Variants in MINK1 observed in about 807,000 individuals in gnomAD.
The protein encoded by MINK1 is misshapen-like kinase 1.
In MINK1, 46 loss-of-function variants were observed where a neutral mutation model predicts 178.4. The observed-to-expected ratio is 0.26, with a 90% CI of 0.20 to 0.33. The LOEUF is 0.33. Ranked by LOEUF, MINK1 falls within the 10% of genes least tolerant of loss-of-function variation. The pLI is 1.00. For missense variants in MINK1, 1,366 were observed against 1,814.9 expected, an observed-to-expected ratio of 0.75 and a Z score of 4.49; for synonymous variants, 797 against 709.7, an observed-to-expected ratio of 1.12 and a Z score of -1.96.
In MINK1 at chr17:4,894,369, G is replaced by A; in HGVS notation, c.2808+58G>A. 6.3e-7 allele frequency: 1 copy of A among 1,579,560 alleles called. No homozygotes were observed. The highest frequency in any genetic ancestry group is 1.2e-5 in the South Asian group (1 of 86,374). ...GAAGAGCCCTGGCGATGGGCAGGAG[G>A]TCCCGGTGCTGGGTAACGGCAGAGG... is the stretch of plus-strand genomic sequence containing the variant. On this transcript the variant is annotated intron_variant, in intron 23 of 31. Transcript: ENST00000355280. This position sits in a 1 kb window ranked among gnomAD's most constrained non-coding sequence, Gnocchi z 4.1.
chr17:4,894,516 CT>C lies in MINK1; in HGVS notation c.2809-8del, dbSNP rs1969225603. The stretch of plus-strand genomic sequence containing the variant: ...ACTTGTTTGCCTGACTGCTGTCCCC[CT>C]ACCACAGTACCAGTCTCGTGGGCTG... On this transcript the variant is annotated splice_polypyrimidine_tract_variant and splice_region_variant and intron_variant, in intron 23 of 31. Coordinates refer to ENST00000355280, the MANE Select transcript of MINK1 (RefSeq NM_153827.5). The surrounding 1 kb of genome is among the most constrained non-coding windows in gnomAD (Gnocchi z 4.1). 6.3e-7 allele frequency: 1 copy of C among 1,586,832 alleles called. No individual in the cohort carries two copies.
chr17:4,886,205 C>G lies in MINK1; in HGVS notation c.773+7C>G. 1.2e-6 allele frequency: 2 copies of G among 1,613,646 alleles called. No individual in the cohort carries two copies. The highest frequency in any genetic ancestry group is 1.7e-6 in the Non-Finnish European group (2 of 1,179,542). ...GGCTCAAGTCCAAGAAGTGGTAGGTCTCTGAGAGTGTGGGCTCTGGGAAGG... is the reference window on the plus strand; with the variant it reads ...GGCTCAAGTCCAAGAAGTGGTAGGTGTCTGAGAGTGTGGGCTCTGGGAAGG... On this transcript the variant is annotated splice_region_variant and intron_variant, in intron 9 of 31. Transcript: ENST00000355280. The surrounding 1 kb of genome is among the most constrained non-coding windows in gnomAD (Gnocchi z 6.1).
chr17:4,847,230 GTTCATTCATTCATTCATTCA>G (rs59076401), intron 1 of MINK1: 2 of 460,886 alleles, frequency 4.3e-6, no homozygotes, highest in Non-Finnish European at 8.7e-6. Context: ...TTTGGTTCCA[GTTCATTCATTCATTCATTCA>G]TTCATTCATT....
At chr17:4,888,503 G>T (rs1362467326) in intron 12 of MINK1, among the ~76,000 whole-genome samples, 2 of 151,620 alleles carry the variant, frequency 1.3e-5, no homozygotes, top group Non-Finnish European at 2.9e-5. Context: ...AGGCGTGGTG[G>T]TGCACGCGCC....
rs1422684311 is a variant in MINK1 at position 4,833,550 on chromosome 17, G to C, written c.-34G>C. ...CAGTGGAGTAACCGAGCCGGAGCGT[G>C]AGCGGCCCCGGTGCCCCGTTCCCCA... On this transcript the variant is annotated 5_prime_UTR_variant, in exon 1 of 32. It removes the in-frame stop codon of an upstream open reading frame in the 5' UTR. Coordinates refer to ENST00000355280, the MANE Select transcript of MINK1 (RefSeq NM_153827.5). This position sits in a 1 kb window ranked among gnomAD's most constrained non-coding sequence, Gnocchi z 4.8. 6.7e-7 allele frequency: 1 copy of C among 1,482,272 alleles called. No individual in the cohort carries two copies. The highest frequency in any genetic ancestry group is 2.2e-5 in the Admixed American group (1 of 46,176). The allele number at this position is 1,482,272 out of a possible 1,614,324, so 91.8% of individuals were successfully genotyped here.
At chr17:4,897,147 A>T in intron 31 of MINK1, 57 bp from the exon 32 acceptor site, 2 of 1,449,524 alleles carry the variant, frequency 1.4e-6, no homozygotes, top group Non-Finnish European at 1.9e-6. Context: ...TCCCTCTCCC[A>T]GTTGAGACAC....
Position 4,896,272 on chromosome 17 carries a change from G to C in MINK1, c.3545G>C (p.Gly1182Ala). The C allele has an allele frequency of 1.9e-6, 3 of 1,607,540 alleles. No individual in the cohort carries two copies. Among genetic ancestry groups the C allele is most frequent in the Non-Finnish European group, 2.6e-6 (3 of 1,176,462 alleles). ...GGGCAGCGGCTCAAGGTCATCTATG[G>C]CTCCAGTGCTGGCTTCCATGCTGTG... ...EEGQRLKVIY[G>A]SSAGFHAVDV... The change falls in exon 29 of 32, where the codon GGC becomes GCC. Residue 1182 changes from glycine to alanine, a missense_variant. Gly to Ala is a moderately conservative substitution (Grantham distance 60, BLOSUM62 0). Around this residue, in one of 14 missense-constraint regions of MINK1, gnomAD observed 201 missense variants for 240.7 expected, o/e 0.84. Coordinates refer to ENST00000355280, the MANE Select transcript of MINK1 (RefSeq NM_153827.5). The surrounding 1 kb of genome is among the most constrained non-coding windows in gnomAD (Gnocchi z 4.6).
At position 4,886,659 on chromosome 17, in the gene MINK1, G is replaced by A; in HGVS notation, c.949+33G>A. On this transcript the variant is annotated intron_variant, in intron 10 of 31. Transcript: ENST00000355280. The surrounding 1 kb of genome is among the most constrained non-coding windows in gnomAD (Gnocchi z 6.1). ...GGCAGGCTGGAGGGGGCAGGTACTA[G>A]GGGACACTCCAGCCTGGCTCCTCTC... The A allele has an allele frequency of 6.5e-6, 10 of 1,538,420 alleles. No individual in the cohort carries two copies. Among genetic ancestry groups the A allele is most frequent in the Non-Finnish European group, 8.7e-6 (10 of 1,142,932 alleles).
At chr17:4,840,610 C>T (rs2150744089) in intron 1 of MINK1, among the ~76,000 whole-genome samples, 1 of 152,180 alleles carries the variant, frequency 6.6e-6, no homozygotes, top group South Asian at 2.1e-4. Flanking sequence ...AGGTGAGTCT[C>T]ACGGAAATAA....
At chr17:4,867,971 CT>C (rs552337563) in intron 1 of MINK1, among the ~76,000 whole-genome samples, 2,190 of 142,082 alleles carry the variant, frequency 0.015, 31 homozygotes, top group African/African-American at 0.043. Context: ...TCTTCTAGCT[CT>C]TTTTTTTTTT....
rs1969747225 is a variant in MINK1 at position 4,897,957 on chromosome 17, G to C, written c.*670G>C. 6.9e-6 allele frequency: 1 copy of C among 145,956 alleles called. No homozygotes were observed. Among genetic ancestry groups the C allele is most frequent in the Non-Finnish European group, 1.5e-5 (1 of 68,064 alleles). 9.0% of individuals were successfully genotyped at this position (145,956 alleles called of 1,614,324 possible). ...CGCCCCTTGCTTGCATCTGTATATA[G>C]TGTGAGCAGCAAGTAACCCTTCTCC... On this transcript the variant is annotated 3_prime_UTR_variant, in exon 32 of 32. Coordinates refer to ENST00000355280, the MANE Select transcript of MINK1 (RefSeq NM_153827.5).
chr17:4,897,009 G>C (rs2302316), intron 31 of MINK1, 195 bp from the exon 32 acceptor site: 2 of 936,906 alleles, frequency 2.1e-6, no homozygotes, highest in South Asian at 1.8e-5. Flanking sequence ...TGGCCCCCAG[G>C]GGGCGAGTGG....
intron 1 of MINK1, among the ~76,000 whole-genome samples, chr17:4,858,639 G>A (rs1218030006): frequency 6.6e-6 from 1 of 151,920 alleles, no homozygotes; most frequent in African/African-American, 2.4e-5. Flanking sequence ...ACCATGCCCA[G>A]CTAATTTTTG....
At chr17:4,893,713 A>C in intron 21 of MINK1, 116 bp downstream of exon 21, 1 of 1,372,732 alleles carries the variant, frequency 7.3e-7, no homozygotes, top group Non-Finnish European at 9.7e-7. Context: ...TCCCTTCTCT[A>C]GAGAGTGGGG....
rs1357243027 is a variant in MINK1 at position 4,884,315 on chromosome 17, G to T, written c.307-48G>T. On this transcript the variant is annotated intron_variant, in intron 4 of 31. Coordinates refer to ENST00000355280, the MANE Select transcript of MINK1 (RefSeq NM_153827.5). ...AGGGGATTGGGGCAGGGGTGGGAGG[G>T]CTTGTCTGACTGATACTTTTCCTTT... 8.1e-6 allele frequency: 12 copies of T among 1,489,690 alleles called. 1 individual carries two copies. Among genetic ancestry groups the T allele is most frequent in the East Asian group, 2.3e-5 (1 of 44,316 alleles). The allele number at this position is 1,489,690 out of a possible 1,614,324, so 92.3% of individuals were successfully genotyped here.
Position 4,896,744 on chromosome 17 carries a change from C to T in MINK1, c.3846C>T (p.Gly1282=), listed in dbSNP as rs895585996. The change falls in exon 31 of 32, where the codon GGC becomes GGT. Residue 1282 remains glycine (G), a synonymous_variant. Coordinates refer to ENST00000355280, the MANE Select transcript of MINK1 (RefSeq NM_153827.5). This position sits in a 1 kb window ranked among gnomAD's most constrained non-coding sequence, Gnocchi z 4.6. ...TTGAGATCCGCTCTGTGGAGACGGGCCACCTCGACGGGGTCTTCATGCACA... is the reference window on the plus strand; with the variant it reads ...TTGAGATCCGCTCTGTGGAGACGGGTCACCTCGACGGGGTCTTCATGCACA... The part of the protein sequence containing the change: ...KAIEIRSVET[G]HLDGVFMHKR... 3 of 1,601,868 alleles carry T rather than the reference C, an allele frequency of 1.9e-6. No individual in the cohort carries two copies. The highest frequency in any genetic ancestry group is 1.7e-5 in the Admixed American group (1 of 58,544).
intron 4 of MINK1, among the ~76,000 whole-genome samples, chr17:4,882,129 TGGA>T (rs1967759000): frequency 6.6e-6 from 1 of 152,232 alleles, no homozygotes; most frequent in African/African-American, 2.4e-5. Flanking sequence ...GTGTGTGTGG[TGGA>T]GATCGCGGCA....
chr17:4,849,594 T>C (rs1911608853), intron 1 of MINK1, among the ~76,000 whole-genome samples: 1 of 152,144 alleles, frequency 6.6e-6, no homozygotes, highest in African/African-American at 2.4e-5. Context: ...TTGTTTGAGA[T>C]GGAGTTTTGC....
At chr17:4,845,338 C>T (rs528867853) in intron 1 of MINK1, among the ~76,000 whole-genome samples, 10 of 152,252 alleles carry the variant, frequency 6.6e-5, no homozygotes, top group Middle Eastern at 3.4e-3. Context: ...CCATGACTTG[C>T]GTTCTGGTTC....
Sources: allele counts gnomAD v4.1 joint callset (sites outside exome capture counted in the v4.1 genomes callset), GRCh38; gene constraint gnomAD v4.1.1; regional missense constraint gnomAD v4.1.1; non-coding constraint Gnocchi (gnomAD v3.1); transcripts MANE v1.5; gene names NCBI Gene and HGNC (gene_info 2026-07-23, HGNC 2026-07-21).